CCDC171: variants seen among roughly 807,000 people sequenced by gnomAD.
The protein encoded by CCDC171 is coiled-coil domain containing 171, also known as coiled-coil domain-containing protein 171.
A neutral mutation model predicts 168.2 loss-of-function variants in CCDC171; 177 were observed. The ratio of observed to expected loss-of-function variants is 1.05; its 90% CI spans 0.93 to 1.19. The LOEUF (loss-of-function observed/expected upper bound fraction) is 1.19. Among genes scored for constraint, CCDC171 ranks in the 50% most tolerant of loss-of-function variants. The probability of loss-of-function intolerance (pLI) is 0.00; values close to 1 mark genes in which losing one functional copy is unlikely to be tolerated. For synonymous variants in CCDC171, 687 were observed against 540.8 expected (o/e 1.27, Z -3.75); for missense variants, 1,991 against 1,539.0 (o/e 1.29, Z -4.91).
At chr9:15,862,876 C>T (rs770192) in intron 23 of CCDC171, among the ~76,000 whole-genome samples, 118,143 of 151,878 alleles carry the variant, frequency 0.78, 46,860 homozygotes, top group East Asian at 0.89. Flanking sequence ...ATAGAAATAT[C>T]ACCCTCTGGT....
the CCDC171 span, among the ~76,000 whole-genome samples, chr9:16,104,460 C>G: frequency 6.6e-6 from 1 of 152,088 alleles, no homozygotes; most frequent in Non-Finnish European, 1.5e-5. Context: ...ACTTTTTGGC[C>G]TTTCTCAGCT....
intron 21 of CCDC171, among the ~76,000 whole-genome samples, chr9:15,814,360 A>T (rs187747663): frequency 9.2e-5 from 14 of 152,312 alleles, no homozygotes; most frequent in Admixed American, 3.3e-4. Flanking sequence ...TTTGGCCCAT[A>T]GATAATACGA....
chr9:15,567,767 C>A (rs1354828411), intron 2 of CCDC171, among the ~76,000 whole-genome samples: 1 of 151,990 alleles, frequency 6.6e-6, no homozygotes, highest in Non-Finnish European at 1.5e-5. Flanking sequence ...GACCCTCCTG[C>A]CTCAGCCTCC....
chr9:15,763,921 G>T (rs1372470363), intron 18 of CCDC171, among the ~76,000 whole-genome samples: 1 of 152,074 alleles, frequency 6.6e-6, no homozygotes, highest in Non-Finnish European at 1.5e-5. Context: ...TTTCCTTCGA[G>T]TAGGTACTCA....
intron 24 of CCDC171, among the ~76,000 whole-genome samples, chr9:15,898,638 C>G (rs2131600542): frequency 6.6e-6 from 1 of 152,212 alleles, no homozygotes; most frequent in East Asian, 1.9e-4. Context: ...ATAGACATGT[C>G]TATAAATTTG....
chr9:15,925,696 A>G (rs1023919317), intron 25 of CCDC171, among the ~76,000 whole-genome samples: 16 of 151,560 alleles, frequency 1.1e-4, no homozygotes, highest in African/African-American at 3.9e-4. Flanking sequence ...AAAACAGTGG[A>G]ATGGGGGGAA....
chr9:15,627,294 G>T (rs1229556074), intron 7 of CCDC171, among the ~76,000 whole-genome samples: 13 of 151,698 alleles, frequency 8.6e-5, no homozygotes, highest in Admixed American at 5.9e-4. Context: ...TTTTTTTCAA[G>T]GGTTTTTTGT....
At chr9:16,011,552 C>G (rs1458184869) in intron 3 of CCDC171, among the ~76,000 whole-genome samples, 1 of 152,090 alleles carries the variant, frequency 6.6e-6, no homozygotes, top group Non-Finnish European at 1.5e-5. Flanking sequence ...AATTATGCAG[C>G]TTCTTTAACA....
chr9:16,085,251 A>C, the CCDC171 span, among the ~76,000 whole-genome samples: 2 of 152,220 alleles, frequency 1.3e-5, no homozygotes, highest in Non-Finnish European at 2.9e-5. Context: ...TGGTCAGGGA[A>C]ACAGAAGCTA....
At chr9:15,886,492 A>C (rs1288894578) in intron 24 of CCDC171, 1 of 152,180 alleles carries the variant, frequency 6.6e-6, no homozygotes, top group African/African-American at 2.4e-5. Flanking sequence ...TGTAGAGAAA[A>C]GCGAACCTTT....
At chr9:15,627,267 A>G (rs1248920997) in intron 7 of CCDC171, among the ~76,000 whole-genome samples, 13 of 140,968 alleles carry the variant, frequency 9.2e-5, no homozygotes, top group Non-Finnish European at 1.7e-4. Flanking sequence ...CAAAAAACCA[A>G]CTCCTGGATT....
chr9:16,054,952 G>A (rs889785135), intron 1 of CCDC171, among the ~76,000 whole-genome samples: 1 of 152,220 alleles, frequency 6.6e-6, no homozygotes, highest in African/African-American at 2.4e-5. Context: ...TTAACGTGGA[G>A]ACGAAGCCCC....
At chr9:15,754,528 TAC>T (rs1391045724) in intron 18 of CCDC171, among the ~76,000 whole-genome samples, 2 of 151,970 alleles carry the variant, frequency 1.3e-5, no homozygotes, top group African/African-American at 4.8e-5. Context: ...CACATGCGCA[TAC>T]ACACACACAC....
At chr9:16,012,625 C>T (rs950823129) in intron 3 of CCDC171, among the ~76,000 whole-genome samples, 1 of 150,364 alleles carries the variant, frequency 6.7e-6, no homozygotes, top group African/African-American at 2.5e-5. Flanking sequence ...TTTATAATGG[C>T]AGCATGCTCT....
intron 11 of CCDC171, among the ~76,000 whole-genome samples, chr9:15,717,104 T>C (rs1171590321): frequency 6.6e-6 from 1 of 152,102 alleles, no homozygotes; most frequent in Non-Finnish European, 1.5e-5. Context: ...TGAAAGACAG[T>C]CTTGAATTGC....
chr9:15,927,069 G>T (rs1825975269), intron 25 of CCDC171, among the ~76,000 whole-genome samples: 1 of 151,628 alleles, frequency 6.6e-6, no homozygotes, highest in South Asian at 2.1e-4. Context: ...TCATGTCATT[G>T]TAATGCATAT....
chr9:15,715,599 C>T (rs1045103817), intron 11 of CCDC171, among the ~76,000 whole-genome samples: 1 of 152,290 alleles, frequency 6.6e-6, no homozygotes, highest in African/African-American at 2.4e-5. Flanking sequence ...AACGTGACTA[C>T]TCATATCCTA....
At chr9:15,625,449 G>A (rs2044985732) in intron 7 of CCDC171, among the ~76,000 whole-genome samples, 1 of 152,080 alleles carries the variant, frequency 6.6e-6, no homozygotes, top group Non-Finnish European at 1.5e-5. Context: ...TATGGTTTTA[G>A]GTCTAACATT....
chr9:16,044,744 T>C (rs1240469263), intron 1 of CCDC171, among the ~76,000 whole-genome samples: 1 of 152,124 alleles, frequency 6.6e-6, no homozygotes, highest in East Asian at 1.9e-4. Context: ...CTCCCTGCAA[T>C]GCTCCAGAAT....
Sources: allele counts gnomAD v4.1 joint callset (sites outside exome capture counted in the v4.1 genomes callset), GRCh38; gene constraint gnomAD v4.1.1; transcripts MANE v1.5; gene names NCBI Gene and HGNC (gene_info 2026-07-23, HGNC 2026-07-21).